Variants in PCDHA9 observed in about 807,000 individuals in gnomAD.
PCDHA9 encodes the protein protocadherin alpha-9.
A neutral mutation model predicts 62.0 loss-of-function variants in PCDHA9; 62 were observed. That is an observed-to-expected ratio of 1.00 (90% CI 0.81 to 1.23). PCDHA9 has a LOEUF of 1.23. PCDHA9 is among the 50% of genes most tolerant of loss of function. The pLI is 0.00. For synonymous variants in PCDHA9, 557 were observed against 567.6 expected, an observed-to-expected ratio of 0.98 and a Z score of 0.27; for missense variants, 1,205 against 1,249.8, an observed-to-expected ratio of 0.96 and a Z score of 0.54.
At chr5:140,871,074 G>A (rs1210767724) in intron 1 of PCDHA9, 1 of 1,613,096 alleles carries the variant, frequency 6.2e-7, no homozygotes, top group African/African-American at 1.3e-5. Context: ...GTGAGCCGGC[G>A]CTGACGGCCA....
At chr5:140,967,047 T>C in intron 1 of PCDHA9, 5 of 1,612,444 alleles carry the variant, frequency 3.1e-6, no homozygotes, top group Non-Finnish European at 4.2e-6. Flanking sequence ...GAGCTGGACC[T>C]GACGAGTGGA....
intron 1 of PCDHA9, among the ~76,000 whole-genome samples, chr5:140,923,974 C>A (rs2081604148): frequency 6.6e-6 from 1 of 152,212 alleles, no homozygotes; most frequent in African/African-American, 2.4e-5. Flanking sequence ...CCCACACATA[C>A]TATCCCTCTA....
rs781950915 is a variant in PCDHA9 at position 140,855,998 on chromosome 5, G to A, written c.2394+5109G>A. On this transcript the variant is annotated intron_variant, in intron 1 of 3. Coordinates refer to ENST00000532602, the MANE Select transcript of PCDHA9 (RefSeq NM_031857.2). ...TAGGACAGAAAATGTCAGATCGTAT[G>A]TGCGTTCTAGACCGCTGATTCGTCG... 3.7e-5 allele frequency: 56 copies of A among 1,511,288 alleles called. 3 individuals are homozygous for A. Among genetic ancestry groups the A allele is most frequent in the Non-Finnish European group, 4.9e-5 (55 of 1,120,558 alleles). 93.6% of individuals were successfully genotyped at this position (1,511,288 alleles called of 1,614,324 possible). A position where few individuals can be genotyped will look rare whatever the true frequency, so the allele number is the denominator to read the frequency against.
rs2041706241 is a variant in PCDHA9, at chr5:140,850,605, A to T, written c.2110A>T (p.Ile704Phe). ...VDVNVYLIIA[I>F]CAVSSLLVLT... ...TGTCAACGTGTACCTGATCATCGCC[A>T]TCTGCGCGGTGTCTAGCCTGTTGGT... Residue 704 changes from isoleucine to phenylalanine, a missense_variant, in exon 1 of 4, where the codon ATC becomes TTC. Coordinates refer to ENST00000532602, the MANE Select transcript of PCDHA9 (RefSeq NM_031857.2). 1 of 1,598,464 alleles carries T rather than the reference A, an allele frequency of 6.3e-7. No individual in the cohort carries two copies. The highest frequency in any genetic ancestry group is 1.3e-5 in the African/African-American group (1 of 74,460).
At position 140,883,249 on chromosome 5, in the gene PCDHA9, T is replaced by A. The variant is rs145815075; in HGVS notation, c.2394+32360T>A. On this transcript the variant is annotated intron_variant, in intron 1 of 3. Transcript: ENST00000532602. ...CCGTGGAGGCAGTTGACAAAGGAAA[T>A]ATTCCAATGGCGGGTCATTGTACCC... The A allele has an allele frequency of 5.1e-4, 830 of 1,613,870 alleles. 7 individuals carry two copies. In the African/African-American group the frequency reaches 9.0e-3, roughly 18 times the overall value.
chr5:140,898,067 T>C (rs2066506598), intron 1 of PCDHA9, among the ~76,000 whole-genome samples: 1 of 152,122 alleles, frequency 6.6e-6, no homozygotes, highest in Admixed American at 6.5e-5. Context: ...TTGTTTGAGT[T>C]CATTGTAGAT....
intron 1 of PCDHA9, among the ~76,000 whole-genome samples, chr5:140,893,927 T>C (rs1251170255): frequency 1.3e-5 from 2 of 152,212 alleles, no homozygotes; most frequent in Non-Finnish European, 2.9e-5. Flanking sequence ...TTTCAGAATC[T>C]CTACCTGTTA....
chr5:140,870,852 G>C (rs782301779), intron 1 of PCDHA9: 3 of 1,613,862 alleles, frequency 1.9e-6, no homozygotes, highest in Non-Finnish European at 2.5e-6. Flanking sequence ...TACCGCGGTC[G>C]GTGGGTGCGG....
intron 1 of PCDHA9, among the ~76,000 whole-genome samples, chr5:140,943,311 T>C (rs1281237979): frequency 1.3e-5 from 2 of 150,340 alleles, no homozygotes. Flanking sequence ...AAGTCATTAT[T>C]AGCAATATTG....
intron 1 of PCDHA9, among the ~76,000 whole-genome samples, chr5:140,978,326 G>A: frequency 6.6e-6 from 1 of 152,202 alleles, no homozygotes; most frequent in East Asian, 1.9e-4. Flanking sequence ...ACAAGTACAA[G>A]TTTATGAAAA....
chr5:140,942,733 T>C (rs1344147840), intron 1 of PCDHA9, among the ~76,000 whole-genome samples: 1 of 152,184 alleles, frequency 6.6e-6, no homozygotes, highest in Non-Finnish European at 1.5e-5. Context: ...TTGAAAAATA[T>C]TTTAAAATCT....
intron 1 of PCDHA9, among the ~76,000 whole-genome samples, chr5:140,908,023 A>G (rs797031285): frequency 5.9e-5 from 9 of 152,314 alleles, no homozygotes; most frequent in Admixed American, 2.6e-4. Context: ...GCTACAGCCC[A>G]TTAATCAGTA....
intron 1 of PCDHA9, chr5:140,876,038 G>A (rs2153335869): frequency 6.2e-7 from 1 of 1,613,822 alleles, no homozygotes; most frequent in East Asian, 2.2e-5. Context: ...AAAGATAAAA[G>A]TATATTGCCT....
intron 1 of PCDHA9, chr5:140,869,903 C>A: frequency 1.2e-6 from 2 of 1,610,648 alleles, no homozygotes; most frequent in Non-Finnish European, 1.7e-6. Flanking sequence ...CTAAACGCCA[C>A]AGACCGAGAC....
At chr5:140,966,313 C>T (rs1349194825) in intron 1 of PCDHA9, 18 of 386,704 alleles carry the variant, frequency 4.7e-5, no homozygotes, top group African/African-American at 2.5e-4. Flanking sequence ...CGTGTTCCTG[C>T]GGTCCGCTGG....
At chr5:140,858,403 A>T (rs1554151554) in intron 1 of PCDHA9, 1 of 1,569,204 alleles carries the variant, frequency 6.4e-7, no homozygotes. Context: ...TGGACGGGGA[A>T]GATCAGTCTA....
chr5:140,869,613 C>T (rs369176341), intron 1 of PCDHA9: 402 of 1,613,826 alleles, frequency 2.5e-4, no homozygotes, highest in Non-Finnish European at 3.3e-4. Context: ...TATTGACCTA[C>T]AGGCTAAGTA....
At position 140,978,994 on chromosome 5, in the gene PCDHA9, GCAGGCATGCA is replaced by G; in HGVS notation, c.2445_2453+1del. 3 of 1,614,152 alleles carry G rather than the reference GCAGGCATGCA, an allele frequency of 1.9e-6. No homozygotes were observed. The highest frequency in any genetic ancestry group is 8.5e-7 in the Non-Finnish European group (1 of 1,180,022). ...CTGGCGTTACTCTGCCTCCCTGAGA[GCAGGCATGCA>G]CAGGTATGTATTTCCCTCCTCATTC... On this transcript the variant is annotated frameshift_variant, in exon 2 of 4. Transcript: ENST00000532602. LOFTEE classifies it high-confidence loss of function.
intron 1 of PCDHA9, among the ~76,000 whole-genome samples, chr5:140,924,369 G>A (rs2081798645): frequency 6.6e-6 from 1 of 152,144 alleles, no homozygotes; most frequent in Admixed American, 6.5e-5. Context: ...AGGCAAACTA[G>A]CCAAGGGGTA....
Sources: gnomAD v4.1 joint callset for allele counts (sites outside exome capture counted in the v4.1 genomes callset) on GRCh38, gnomAD v4.1.1 for gene constraint, MANE v1.5 for transcripts, NCBI Gene and HGNC (gene_info 2026-07-23, HGNC 2026-07-21) for gene names.